Variants in ZNF222 observed in about 807,000 individuals in gnomAD.
ZNF222 encodes the protein zinc finger protein 222.
In ZNF222, 8 loss-of-function variants were observed where a neutral mutation model predicts 11.6. The observed-to-expected ratio is 0.69, with a 90% confidence interval of 0.41 to 1.25. The LOEUF (loss-of-function observed/expected upper bound fraction) is 1.25. Among genes scored for constraint, ZNF222 ranks in the 50% most tolerant of loss-of-function variants. The pLI is 0.01. For missense variants in ZNF222, 483 were observed against 576.1 expected (o/e 0.84, Z 1.65); for synonymous variants, 171 against 195.6 (o/e 0.87, Z 1.05).
rs748941053 is a variant in ZNF222, at chr19:44,027,438, G to T, written c.210G>T (p.Arg70Ser). ...ATGGAGATACTTTCCACTTCCTAAG[G>T]GAAGAAAAGTTTTGGGTGATGGGGA... ...PFHGDTFHFL[R>S]EEKFWVMGTT... Residue 70 changes from arginine to serine, a missense_variant, in exon 3 of 4, where the codon AGG becomes AGT. Arg to Ser is a moderately radical substitution (Grantham distance 110). Coordinates refer to ENST00000391960, the MANE Select transcript of ZNF222 (RefSeq NM_001129996.2). 6.2e-7 allele frequency: 1 copy of T among 1,614,082 alleles called. No individual in the cohort carries two copies. Among genetic ancestry groups the T allele is most frequent in the African/African-American group, 1.3e-5 (1 of 75,004 alleles).
intron 3 of ZNF222, among the ~76,000 whole-genome samples, chr19:44,029,321 G>A (rs1028638887): frequency 2.0e-5 from 3 of 149,384 alleles, no homozygotes; most frequent in African/African-American, 7.4e-5. Context: ...TTTCAAGCAT[G>A]GTTTTCATGA....
chr19:44,028,190 C>G (rs981889739), intron 3 of ZNF222: 1 of 399,116 alleles, frequency 2.5e-6, no homozygotes, highest in Non-Finnish European at 4.4e-6. Context: ...CTTATGCCTT[C>G]CTCTTTCACC....
intron 3 of ZNF222, among the ~76,000 whole-genome samples, chr19:44,027,828 C>T (rs554657252): frequency 1.3e-4 from 20 of 152,298 alleles, no homozygotes; most frequent in African/African-American, 4.8e-4. Context: ...GTCCTCTCCC[C>T]CTTGCTCCAT....
At chr19:44,026,361 G>T (rs1044479911) in intron 1 of ZNF222, among the ~76,000 whole-genome samples, 1 of 152,090 alleles carries the variant, frequency 6.6e-6, no homozygotes, top group Non-Finnish European at 1.5e-5. Flanking sequence ...TCTCTTGAAT[G>T]CAATTCTCAT....
chr19:44,032,168 G>C lies in ZNF222; in HGVS notation c.614G>C (p.Arg205Thr). 1 of 1,614,212 alleles carries C rather than the reference G, an allele frequency of 6.2e-7. No homozygotes were observed. Among genetic ancestry groups the C allele is most frequent in the Non-Finnish European group, 8.5e-7 (1 of 1,180,040 alleles). Residue 205 changes from arginine (R) to threonine (T), a missense_variant, in exon 4 of 4, where the codon AGG becomes ACG. Coordinates refer to ENST00000391960, the MANE Select transcript of ZNF222 (RefSeq NM_001129996.2). ...ATCTCAGCCCTTCATATTCATCAGA[G>C]GGTCCACATGGGAGTGAAATGCTAT... is the stretch of plus-strand genomic sequence containing the variant. Reference protein sequence around the residue: ...CYISALHIHQRVHMGVKCYKC... With the variant: ...CYISALHIHQTVHMGVKCYKC...
At position 44,025,569 on chromosome 19, in the gene ZNF222, G is replaced by C. The variant is rs992837022; in HGVS notation, c.42+91G>C. On this transcript the variant is annotated intron_variant, in intron 1 of 3. Coordinates refer to ENST00000391960, the MANE Select transcript of ZNF222 (RefSeq NM_001129996.2). This position sits in a 1 kb window ranked among gnomAD's most constrained non-coding sequence, Gnocchi z 4.6. ...TGCTAGGGTCTCAGGGAGTGGGATT[G>C]GCGCGGCCCGGTGTGCCCTACTTTG... The C allele has an allele frequency of 1.2e-5, 17 of 1,386,980 alleles. No individual in the cohort carries two copies. The highest frequency in any genetic ancestry group is 1.5e-5 in the Non-Finnish European group (16 of 1,041,592). The allele number at this position is 1,386,980 out of a possible 1,614,324, so 85.9% of individuals were successfully genotyped here. A position where few individuals can be genotyped will look rare whatever the true frequency, so the allele number is the denominator to read the frequency against.
chr19:44,027,269 A>G lies in ZNF222; in HGVS notation c.169+120A>G, dbSNP rs1025031410. On this transcript the variant is annotated intron_variant, in intron 2 of 3. Coordinates refer to ENST00000391960, the MANE Select transcript of ZNF222 (RefSeq NM_001129996.2). ...CATTTCCAGTAAATTTTGCCTGGCT[A>G]TTAGGTTGGTGCAAAAGTAATTGTG... 1.7e-5 allele frequency: 27 copies of G among 1,582,280 alleles called. No homozygotes were observed. In the Admixed American group the frequency reaches 3.5e-4, roughly 20 times the overall value.
chr19:44,031,496 G>A (rs1186330923), intron 3 of ZNF222, among the ~76,000 whole-genome samples: 1 of 152,008 alleles, frequency 6.6e-6, no homozygotes, highest in Non-Finnish European at 1.5e-5. Context: ...GTTTTGTTTT[G>A]TTTTGAGACG....
chr19:44,027,467 C>A lies in ZNF222; in HGVS notation c.239C>A (p.Thr80Lys), dbSNP rs772449815. 1.9e-6 allele frequency: 3 copies of A among 1,613,940 alleles called. No individual in the cohort carries two copies. The African/African-American group carries it at 4.0e-5, about 22-fold the overall frequency. Residue 80 changes from threonine to lysine, a missense_variant, in exon 3 of 4, where the codon ACA (threonine) becomes AAA (lysine). By Grantham distance (78) the Thr-to-Lys change is moderately conservative (BLOSUM62 -1). Coordinates refer to ENST00000391960, the MANE Select transcript of ZNF222 (RefSeq NM_001129996.2). ...GAAAAGTTTTGGGTGATGGGGACAA[C>A]AAGCCAAAGAGAAGGGAATTTGGGT... ...REEKFWVMGT[T>K]SQREGNLGGK...
At chr19:44,029,772 G>A (rs1404038060) in intron 3 of ZNF222, among the ~76,000 whole-genome samples, 2 of 152,136 alleles carry the variant, frequency 1.3e-5, no homozygotes, top group African/African-American at 2.4e-5. Context: ...GGAAAAACTT[G>A]GAAGTTATCT....
chr19:44,027,560 T>A (rs1233568342), intron 3 of ZNF222, 70 bp downstream of exon 3: 7 of 1,486,724 alleles, frequency 4.7e-6, no homozygotes, highest in Middle Eastern at 1.7e-4. Context: ...ATTTCCAGCA[T>A]TTTGGGGTAA....
intron 3 of ZNF222, 38 bp from the exon 4 acceptor site, chr19:44,031,778 GC>G: frequency 6.3e-7 from 1 of 1,588,618 alleles, no homozygotes; most frequent in Non-Finnish European, 8.6e-7. Context: ...ACCGTGCCTG[GC>G]CTACTTGTCC....
At chr19:44,030,707 G>A (rs1186195245) in intron 3 of ZNF222, among the ~76,000 whole-genome samples, 1 of 152,076 alleles carries the variant, frequency 6.6e-6, no homozygotes, top group South Asian at 2.1e-4. Context: ...CCCAATCAGG[G>A]GAACTTACCT....
At position 44,025,576 on chromosome 19, in the gene ZNF222, C is replaced by T. The variant is rs1351471936; in HGVS notation, c.42+98C>T. On this transcript the variant is annotated intron_variant, in intron 1 of 3. Coordinates refer to ENST00000391960, the MANE Select transcript of ZNF222 (RefSeq NM_001129996.2). The surrounding 1 kb of genome is among the most constrained non-coding windows in gnomAD (Gnocchi z 4.6). ...GTCTCAGGGAGTGGGATTGGCGCGG[C>T]CCGGTGTGCCCTACTTTGACCTCGC... 1.4e-5 allele frequency: 18 copies of T among 1,312,186 alleles called. No individual in the cohort carries two copies. Among genetic ancestry groups the T allele is most frequent in the South Asian group, 3.0e-5 (2 of 66,326 alleles). The allele number at this position is 1,312,186 out of a possible 1,614,324, so 81.3% of individuals were successfully genotyped here. A position where few individuals can be genotyped will look rare whatever the true frequency, so the allele number is the denominator to read the frequency against.
Position 44,027,121 on chromosome 19 carries a change from T to G in ZNF222, c.141T>G (p.Leu47=), listed in dbSNP as rs1247597462. The stretch of plus-strand genomic sequence containing the variant: ...GGAAGCTGTACCGAGATGTGATGCT[T>G]GAGAACTTCAGGAACCTGCTCTCAG... ...AQRKLYRDVM[L]ENFRNLLSVG... Residue 47 remains leucine, a synonymous_variant, in exon 2 of 4, where the codon CTT becomes CTG. Transcript: ENST00000391960. 10 of 1,613,830 alleles carry G rather than the reference T, an allele frequency of 6.2e-6. No individual in the cohort carries two copies. In the East Asian group the frequency reaches 1.8e-4, roughly 29 times the overall value.
At chr19:44,029,349 C>G (rs1351963831) in intron 3 of ZNF222, among the ~76,000 whole-genome samples, 2 of 151,994 alleles carry the variant, frequency 1.3e-5, no homozygotes, top group Non-Finnish European at 2.9e-5. Flanking sequence ...GAGAAACATG[C>G]CTTCCCTGGG....
intron 3 of ZNF222, chr19:44,028,206 G>T: frequency 5.0e-6 from 2 of 398,976 alleles, no homozygotes; most frequent in Non-Finnish European, 8.8e-6. Flanking sequence ...TCACCTTTCA[G>T]GTCCCTTGTG....
rs1599858033 is a variant in ZNF222 at position 44,026,967 on chromosome 19, T to A, written c.43-56T>A. On this transcript the variant is annotated intron_variant, in intron 1 of 3. Transcript: ENST00000391960. ...GTCCCTTGTGCCAGTGCAATGCTGC[T>A]GTCTCCCAATAGTCTTTGGCCGTAA... 8 of 1,609,392 alleles carry A rather than the reference T, an allele frequency of 5.0e-6. No individual in the cohort carries two copies. The East Asian group carries it at 8.9e-5, about 18-fold the overall frequency.
At chr19:44,028,203 T>C in intron 3 of ZNF222, 1 of 399,110 alleles carries the variant, frequency 2.5e-6, no homozygotes, top group Non-Finnish European at 4.4e-6. Context: ...CTTTCACCTT[T>C]CAGGTCCCTT....
Sources: allele counts gnomAD v4.1 joint callset (sites outside exome capture counted in the v4.1 genomes callset), GRCh38; gene constraint gnomAD v4.1.1; non-coding constraint Gnocchi (gnomAD v3.1); transcripts MANE v1.5; gene names NCBI Gene and HGNC (gene_info 2026-07-23, HGNC 2026-07-21).